LAMB4: variants seen among roughly 807,000 people sequenced by gnomAD.
The protein encoded by LAMB4 is laminin subunit beta 4, also known as laminin subunit beta-4.
In LAMB4, 196 loss-of-function variants were observed where a neutral mutation model predicts 199.2. The observed-to-expected ratio is 0.98, with a 90% CI of 0.88 to 1.11. LAMB4 has a LOEUF of 1.11. Among genes scored for constraint, LAMB4 ranks in the 50% least tolerant of loss-of-function variants. The pLI is 0.00. For synonymous variants in LAMB4, 744 were observed against 770.6 expected, an observed-to-expected ratio of 0.97 and a Z score of 0.57; for missense variants, 2,080 against 2,171.2, an observed-to-expected ratio of 0.96 and a Z score of 0.83.
chr7:108,087,468 T>G (rs1332989921), intron 14 of LAMB4, among the ~76,000 whole-genome samples: 1 of 152,172 alleles, frequency 6.6e-6, no homozygotes, highest in Non-Finnish European at 1.5e-5. Context: ...AGCTAATAAA[T>G]GAAGGAATGA....
the LAMB4 span, among the ~76,000 whole-genome samples, chr7:108,012,579 C>A: frequency 6.6e-6 from 1 of 152,148 alleles, no homozygotes; most frequent in African/African-American, 2.4e-5. Context: ...TAAAACTCAC[C>A]GTTTATTCAG....
At chr7:108,076,499 G>A (rs1007840053) in intron 17 of LAMB4, among the ~76,000 whole-genome samples, 14 of 152,208 alleles carry the variant, frequency 9.2e-5, no homozygotes, top group Non-Finnish European at 1.6e-4. Flanking sequence ...ATACAAAAGT[G>A]TAGGATGTAT....
intron 1 of LAMB4, among the ~76,000 whole-genome samples, chr7:108,126,556 T>TTTTTG (rs2038789355): frequency 1.2e-5 from 1 of 84,516 alleles, no homozygotes; most frequent in Non-Finnish European, 2.3e-5. Context: ...ATTTCTTTCT[T>TTTTTG]TTTTTTTTTT....
chr7:108,021,994 A>G (rs2034704113), downstream of LAMB4, among the ~76,000 whole-genome samples: 1 of 141,658 alleles, frequency 7.1e-6, no homozygotes. Flanking sequence ...GTTGCTGAGT[A>G]CTGAGAGAGT....
the LAMB4 span, among the ~76,000 whole-genome samples, chr7:108,012,340 G>A: frequency 4.5e-4 from 69 of 152,304 alleles, no homozygotes; most frequent in Non-Finnish European, 9.3e-4. Flanking sequence ...GGGATACGTG[G>A]ACTGTATTTG....
intron 12 of LAMB4, among the ~76,000 whole-genome samples, chr7:108,094,940 C>G (rs976529096): frequency 4.6e-5 from 7 of 152,048 alleles, no homozygotes; most frequent in Non-Finnish European, 1.0e-4. Flanking sequence ...TATTCTACTG[C>G]TTGGCATTTT....
intron 33 of LAMB4, among the ~76,000 whole-genome samples, chr7:108,027,187 G>T (rs558191390): frequency 6.6e-6 from 1 of 152,274 alleles, no homozygotes; most frequent in South Asian, 2.1e-4. Flanking sequence ...GTGGTCAGAG[G>T]ATGGGAGGGT....
At chr7:108,117,099 G>C (rs1022151700) in intron 2 of LAMB4, among the ~76,000 whole-genome samples, 10 of 152,132 alleles carry the variant, frequency 6.6e-5, no homozygotes, top group Admixed American at 3.3e-4. Context: ...GTCTTACTTA[G>C]AGATTGAATT....
Position 108,029,058 on chromosome 7 carries a change from T to C in LAMB4, c.5131A>G (p.Ile1711Val). 6.2e-7 allele frequency: 1 copy of C among 1,613,776 alleles called. No homozygotes were observed. Among genetic ancestry groups the C allele is most frequent in the Non-Finnish European group, 8.5e-7 (1 of 1,179,912 alleles). The change falls in exon 33 of 34, where the codon ATA becomes GTA. Residue 1711 changes from isoleucine to valine, a missense_variant. By Grantham distance (29) the Ile-to-Val change is conservative. Coordinates refer to ENST00000388781, the MANE Select transcript of LAMB4 (RefSeq NM_007356.3). ...GAACAGATACCTGTTATTCTTCTTA[T>C]CTTGGCCTCTGTATCTCCAGCCAAT... Reference protein sequence around the residue: ...EKLAGDTEAKIRRITDLERKI... With the variant: ...EKLAGDTEAKVRRITDLERKI...
chr7:108,101,485 T>C (rs1338110709), intron 10 of LAMB4, among the ~76,000 whole-genome samples: 1 of 152,256 alleles, frequency 6.6e-6, no homozygotes, highest in Non-Finnish European at 1.5e-5. Flanking sequence ...TACAATGATC[T>C]TGTTGCTTGC....
chr7:108,038,893 A>G (rs1262553802), intron 29 of LAMB4, among the ~76,000 whole-genome samples: 4 of 152,244 alleles, frequency 2.6e-5, no homozygotes, highest in Admixed American at 2.6e-4. Context: ...GCTTGCCGTC[A>G]GGTGAGGACC....
At chr7:108,017,150 T>C in the LAMB4 span, among the ~76,000 whole-genome samples, 3 of 152,202 alleles carry the variant, frequency 2.0e-5, no homozygotes. Context: ...CAAGCTTACT[T>C]TGTATCACTG....
chr7:108,061,460 T>G (rs1055074740), intron 23 of LAMB4, among the ~76,000 whole-genome samples: 2 of 152,106 alleles, frequency 1.3e-5, no homozygotes, highest in African/African-American at 4.8e-5. Context: ...TTGTGGGGGC[T>G]GGGCGTCGTG....
chr7:108,096,701 G>A (rs1413714347), intron 11 of LAMB4, among the ~76,000 whole-genome samples: 2 of 151,242 alleles, frequency 1.3e-5, no homozygotes, highest in African/African-American at 4.9e-5. Flanking sequence ...GGAAGGTGAG[G>A]CGGAAGGGTT....
chr7:108,094,270 T>C (rs760816604), intron 12 of LAMB4, among the ~76,000 whole-genome samples: 1 of 152,260 alleles, frequency 6.6e-6, no homozygotes, highest in East Asian at 1.9e-4. Flanking sequence ...TCAGGATTTG[T>C]TGATCCTGTA....
Position 108,062,888 on chromosome 7 carries a change from G to A in LAMB4, c.3168C>T (p.Val1056=), listed in dbSNP as rs142621710. 9,591 of 1,608,810 alleles carry A rather than the reference G, an allele frequency of 6.0e-3. 36 individuals carry two copies. Among genetic ancestry groups the A allele is most frequent in the Non-Finnish European group, 6.5e-3 (7,625 of 1,178,040 alleles). ...VTGACPCLPN[V]TGLACDRCAD... ...CACAACGGTCACAGGCCAGGCCTGT[G>A]ACATTCGGCAGACAAGGACATGCAC... Residue 1056 remains valine (V), a synonymous_variant, in exon 23 of 34, where the codon GTC becomes GTT. Transcript: ENST00000388781.
At chr7:108,127,383 T>A (rs2038832111) in intron 1 of LAMB4, among the ~76,000 whole-genome samples, 1 of 152,094 alleles carries the variant, frequency 6.6e-6, no homozygotes, top group Non-Finnish European at 1.5e-5. Context: ...TACCTTTGAT[T>A]CCTCCTTTTC....
At chr7:108,095,544 A>G (rs900990073) in intron 11 of LAMB4, among the ~76,000 whole-genome samples, 13 of 152,176 alleles carry the variant, frequency 8.5e-5, no homozygotes, top group African/African-American at 2.9e-4. Context: ...CCAGAGCCTC[A>G]TGTAGTTTTA....
chr7:108,120,132 TA>T (rs1303415647), intron 2 of LAMB4, among the ~76,000 whole-genome samples: 1 of 152,154 alleles, frequency 6.6e-6, no homozygotes, highest in Non-Finnish European at 1.5e-5. Context: ...GGGCCTATAA[TA>T]AAAAATAATA....
Sources: gnomAD v4.1 joint callset for allele counts (sites outside exome capture counted in the v4.1 genomes callset) on GRCh38, gnomAD v4.1.1 for gene constraint, MANE v1.5 for transcripts, NCBI Gene and HGNC (gene_info 2026-07-23, HGNC 2026-07-21) for gene names.